The following REV1 variants were observed in gnomAD, a reference collection of about 807,000 sequenced individuals.
REV1 encodes translesion synthesis protein REV1.
Under a neutral mutation model 137.4 loss-of-function variants are expected in REV1, and 42 were observed. The observed-to-expected ratio is 0.31, with a 90% confidence interval of 0.24 to 0.40. REV1 has a LOEUF of 0.40. Ranked by LOEUF, REV1 falls within the 10% of genes least tolerant of loss-of-function variation. The probability of loss-of-function intolerance (pLI) is 1.00; values close to 1 mark genes in which losing one functional copy is unlikely to be tolerated. For synonymous variants in REV1, 524 were observed against 519.2 expected, an observed-to-expected ratio of 1.01 and a Z score of -0.12; for missense variants, 1,282 against 1,490.1, an observed-to-expected ratio of 0.86 and a Z score of 2.30.
chr2:99,419,205 A>ATT (rs774732084), intron 11 of REV1, among the ~76,000 whole-genome samples: 38,915 of 115,094 alleles, frequency 0.34, 6,260 homozygotes, highest in Admixed American at 0.46. Flanking sequence ...AGCAGTCCTG[A>ATT]TTTTTTTTTT....
chr2:99,477,417 G>C (rs1216156761), intron 1 of REV1, among the ~76,000 whole-genome samples: 1 of 152,134 alleles, frequency 6.6e-6, no homozygotes, highest in Non-Finnish European at 1.5e-5. Context: ...AGAGAACTGT[G>C]GAACCCCTAA....
In REV1 at chr2:99,406,489, A is replaced by G; in HGVS notation, c.2450T>C (p.Val817Ala). ...AACCAACTGATTCACGTGAATCCCAACCTAGAACCCAGAATAAAGAGTATG... is the reference window on the plus strand; with the variant it reads ...AACCAACTGATTCACGTGAATCCCAGCCTAGAACCCAGAATAAAGAGTATG... ...MKLNISDMRG[V>A]GIHVNQLVPT... The change falls in exon 16 of 23, where the codon GTT (valine) becomes GCT (alanine). Residue 817 changes from valine to alanine, a missense_variant and splice_region_variant. This residue lies in a region of REV1 where 372 missense variants were observed against 482.3 expected (regional missense o/e 0.77). Transcript: ENST00000258428. 2 of 1,595,282 alleles carry G rather than the reference A, an allele frequency of 1.3e-6. No individual in the cohort carries two copies. Among genetic ancestry groups the G allele is most frequent in the African/African-American group, 1.3e-5 (1 of 74,362 alleles).
chr2:99,471,555 A>G (rs1685411620), intron 1 of REV1, among the ~76,000 whole-genome samples: 1 of 152,212 alleles, frequency 6.6e-6, no homozygotes, highest in Admixed American at 6.5e-5. Context: ...AAAAACAGAT[A>G]AACTGGACTA....
chr2:99,482,659 G>A (rs1454950481), intron 1 of REV1, among the ~76,000 whole-genome samples: 1 of 152,074 alleles, frequency 6.6e-6, no homozygotes, highest in Non-Finnish European at 1.5e-5. Flanking sequence ...TTAGGTAAAA[G>A]CACTCTTTAA....
At chr2:99,425,336 T>C (rs575166130) in intron 9 of REV1, among the ~76,000 whole-genome samples, 2 of 152,104 alleles carry the variant, frequency 1.3e-5, no homozygotes, top group Non-Finnish European at 2.9e-5. Flanking sequence ...AATAGTAATA[T>C]TATAAATGGT....
chr2:99,405,738 A>G (rs926026385), intron 17 of REV1, 172 bp downstream of exon 17: 1 of 460,908 alleles, frequency 2.2e-6, no homozygotes, highest in Non-Finnish European at 3.7e-6. Context: ...CAACCCAAAT[A>G]TTGCTTATTT....
intron 22 of REV1, 125 bp downstream of exon 22, chr2:99,402,119 A>G: frequency 1.8e-6 from 1 of 559,690 alleles, no homozygotes; most frequent in Non-Finnish European, 3.2e-6. Context: ...GGCAAAATAA[A>G]GGATATCACT....
At chr2:99,449,596 T>G (rs1192026773) in intron 3 of REV1, 92 bp from the exon 4 acceptor site, 6 of 563,558 alleles carry the variant, frequency 1.1e-5, no homozygotes, top group Non-Finnish European at 1.4e-5. Context: ...ACTTTAAGAA[T>G]GTCATTGGTT....
Position 99,402,234 on chromosome 2 carries a change from G to A in REV1, c.3644+10C>T, listed in dbSNP as rs1675573501. The A allele has an allele frequency of 8.9e-7, 1 of 1,119,058 alleles. No homozygotes were observed. Among genetic ancestry groups the A allele is most frequent in the Non-Finnish European group, 1.3e-6 (1 of 763,980 alleles). 69.3% of individuals were successfully genotyped at this position (1,119,058 alleles called of 1,614,324 possible). ...TTTTTTCCCATTTGATAAAAGTGAT[G>A]AATTACTACCTTTTCATGTATTTTA... On this transcript the variant is annotated intron_variant, in intron 22 of 22. Transcript: ENST00000258428.
intron 4 of REV1, among the ~76,000 whole-genome samples, chr2:99,445,293 G>A (rs1433501915): frequency 1.3e-5 from 2 of 152,078 alleles, no homozygotes; most frequent in Non-Finnish European, 2.9e-5. Context: ...AAACGTATAT[G>A]GTTTGGGAGT....
At chr2:99,415,695 G>A (rs999761123) in intron 12 of REV1, among the ~76,000 whole-genome samples, 18 of 152,202 alleles carry the variant, frequency 1.2e-4, no homozygotes, top group Admixed American at 9.2e-4. Flanking sequence ...ACTTGGCTAC[G>A]TAGCTACTGT....
chr2:99,474,141 T>C (rs971244297), intron 1 of REV1, among the ~76,000 whole-genome samples: 6 of 152,218 alleles, frequency 3.9e-5, no homozygotes, highest in African/African-American at 1.4e-4. Context: ...CATTCAAATT[T>C]AATTTATTTA....
chr2:99,419,480 G>A (rs930514627), intron 11 of REV1, among the ~76,000 whole-genome samples: 2 of 152,090 alleles, frequency 1.3e-5, no homozygotes, highest in Admixed American at 6.6e-5. Context: ...AAAGTGCTGG[G>A]ACTACAGGAA....
At chr2:99,411,213 A>G (rs1249362892) in intron 13 of REV1, among the ~76,000 whole-genome samples, 1 of 151,938 alleles carries the variant, frequency 6.6e-6, no homozygotes. Context: ...GCTTGAACCC[A>G]GGAGACGGAG....
At chr2:99,445,464 A>C (rs1682076512) in intron 4 of REV1, among the ~76,000 whole-genome samples, 1 of 152,224 alleles carries the variant, frequency 6.6e-6, no homozygotes, top group Non-Finnish European at 1.5e-5. Flanking sequence ...CAAGGTTCTC[A>C]ATCTACAAGG....
intron 9 of REV1, among the ~76,000 whole-genome samples, chr2:99,425,136 T>C (rs532545172): frequency 3.3e-5 from 5 of 152,306 alleles, no homozygotes; most frequent in South Asian, 4.1e-4. Context: ...TCTATATATA[T>C]GTTCAATAAA....
chr2:99,477,655 T>C (rs1212669503), intron 1 of REV1, among the ~76,000 whole-genome samples: 1 of 152,204 alleles, frequency 6.6e-6, no homozygotes, highest in African/African-American at 2.4e-5. Context: ...ATAAAAAATA[T>C]TTGGATATAT....
intron 1 of REV1, among the ~76,000 whole-genome samples, chr2:99,477,056 T>C (rs1246152293): frequency 1.5e-5 from 2 of 130,996 alleles, no homozygotes. Flanking sequence ...TTGCAGTTGA[T>C]CTCATAAGTG....
At chr2:99,446,523 C>A (rs1182391264) in intron 4 of REV1, among the ~76,000 whole-genome samples, 2 of 152,068 alleles carry the variant, frequency 1.3e-5, no homozygotes, top group Non-Finnish European at 2.9e-5. Context: ...TTGAGACAGT[C>A]TCGCTCTACC....
Sources: gnomAD v4.1 joint callset for allele counts (sites outside exome capture counted in the v4.1 genomes callset) on GRCh38, gnomAD v4.1.1 for gene constraint, gnomAD v4.1.1 regional missense constraint, MANE v1.5 for transcripts, NCBI Gene and HGNC (gene_info 2026-07-23, HGNC 2026-07-21) for gene names.